The following CAMK2B variants were observed in gnomAD, a reference collection of about 807,000 sequenced individuals.
CAMK2B encodes calcium/calmodulin dependent protein kinase II beta, also known as calcium/calmodulin-dependent protein kinase type II subunit beta.
A neutral mutation model predicts 93.7 loss-of-function variants in CAMK2B; 27 were observed. The ratio of observed to expected loss-of-function variants is 0.29; its 90% CI spans 0.21 to 0.40. The LOEUF is 0.40. CAMK2B is among the 10% of genes least tolerant of loss of function. The probability of loss-of-function intolerance (pLI) is 1.00; values close to 1 mark genes in which losing one functional copy is unlikely to be tolerated. For missense variants in CAMK2B, 568 were observed against 895.8 expected (o/e 0.63, Z 4.67); for synonymous variants, 374 against 358.8 (o/e 1.04, Z -0.48).
chr7:44,302,750 G>A (rs1192476304), intron 1 of CAMK2B, among the ~76,000 whole-genome samples: 2 of 152,102 alleles, frequency 1.3e-5, no homozygotes. Context: ...ATACAGTGGA[G>A]CTTCCTAAAT....
At chr7:44,258,020 G>C (rs138341691) in intron 4 of CAMK2B, among the ~76,000 whole-genome samples, 99 of 152,382 alleles carry the variant, frequency 6.5e-4, no homozygotes, top group African/African-American at 2.3e-3. Context: ...TAAGGCCTAT[G>C]GGCCCTTGCC....
chr7:44,239,264 A>T (rs1182590522), intron 13 of CAMK2B, among the ~76,000 whole-genome samples: 1 of 59,582 alleles, frequency 1.7e-5, no homozygotes, highest in African/African-American at 7.4e-5. Context: ...CAGCAGGCCC[A>T]GTGGCTCCCT....
In CAMK2B at chr7:44,228,857, G is replaced by T; in HGVS notation, c.1407C>A (p.Pro469=). 1 of 1,517,760 alleles carries T rather than the reference G, an allele frequency of 6.6e-7. No homozygotes were observed. Among genetic ancestry groups the T allele is most frequent in the African/African-American group, 1.4e-5 (1 of 72,270 alleles). 94.0% of individuals were successfully genotyped at this position (1,517,760 alleles called of 1,614,324 possible). ...RGSGTPEAEG[P]LSAGPPPCLS... ...GGCAGGGCGGGGGCCCCGCTGAGAG[G>T]GGGCCCTCGGCTTCTGGGGTTCCTG... The change falls in exon 19 of 24, where the codon CCC becomes CCA. Residue 469 remains proline (P), a synonymous_variant. Coordinates refer to ENST00000395749, the MANE Select transcript of CAMK2B (RefSeq NM_001220.5).
rs371466945 is a variant in CAMK2B, at chr7:44,246,500, C to T, written c.414+620G>A. On this transcript the variant is annotated intron_variant, in intron 6 of 23. Coordinates refer to ENST00000395749, the MANE Select transcript of CAMK2B (RefSeq NM_001220.5). Reference sequence around the variant, plus strand: ...ACCCACATGTACACATTCACATATGCATGCGCATGAACATGCCCACACATG... The same window carrying T: ...ACCCACATGTACACATTCACATATGTATGCGCATGAACATGCCCACACATG... Among the ~76,000 whole-genome samples the T allele has an allele frequency of 1.4e-4, 21 of 152,208 alleles. 2 individuals carry two copies. The highest frequency in any genetic ancestry group is 9.7e-4 in the East Asian group (5 of 5,174).
At chr7:44,262,859 C>T (rs1174442190) in intron 3 of CAMK2B, 146 bp downstream of exon 3, 1 of 668,116 alleles carries the variant, frequency 1.5e-6, no homozygotes, top group African/African-American at 1.8e-5. Flanking sequence ...AGGGGGCGTC[C>T]TCAGGGGCTT....
At chr7:44,243,357 A>C in intron 7 of CAMK2B, 24 bp from the exon 8 acceptor site, 2 of 1,612,724 alleles carry the variant, frequency 1.2e-6, no homozygotes, top group Non-Finnish European at 1.7e-6. Flanking sequence ...AAGAGGCCAC[A>C]AGGGGCTGTC....
intron 1 of CAMK2B, among the ~76,000 whole-genome samples, chr7:44,291,246 G>C (rs553267387): frequency 1.3e-5 from 2 of 152,304 alleles, no homozygotes; most frequent in Admixed American, 6.5e-5. Context: ...CCGCCAAGGG[G>C]GGAGAGTGTT....
rs1793454796 is a variant in CAMK2B at position 44,311,203 on chromosome 7, G to A, written c.65+14154C>T. ...CGATTCTCCTGCCTCAACCTCCTGAGTAGCTGGGATTACAGGCACATGCCA... is the reference window on the plus strand; with the variant it reads ...CGATTCTCCTGCCTCAACCTCCTGAATAGCTGGGATTACAGGCACATGCCA... On this transcript the variant is annotated intron_variant, in intron 1 of 23. Coordinates refer to ENST00000395749, the MANE Select transcript of CAMK2B (RefSeq NM_001220.5). This position sits in a 1 kb window ranked among gnomAD's most constrained non-coding sequence, Gnocchi z 4.2. 6.6e-6 allele frequency among the ~76,000 whole-genome samples: 1 copy of A among 152,088 alleles called. No homozygotes were observed. The highest frequency in any genetic ancestry group is 2.4e-5 in the African/African-American group (1 of 41,404).
In CAMK2B at chr7:44,260,603, G is replaced by A. The variant is rs149860279; in HGVS notation, c.221-1677C>T. On this transcript the variant is annotated intron_variant, in intron 3 of 23. Coordinates refer to ENST00000395749, the MANE Select transcript of CAMK2B (RefSeq NM_001220.5). ...AATAGCACCTCTTCACAGGGTGGCC[G>A]TGAAGATCAATTATGTAACCTTTGT... Among the ~76,000 whole-genome samples, 626 of 152,310 alleles carry A rather than the reference G, an allele frequency of 4.1e-3. 4 individuals carry two copies. The highest frequency in any genetic ancestry group is 0.014 in the African/African-American group (596 of 41,558).
intron 2 of CAMK2B, among the ~76,000 whole-genome samples, chr7:44,270,340 C>A (rs1562967288): frequency 6.6e-6 from 1 of 152,178 alleles, no homozygotes; most frequent in Non-Finnish European, 1.5e-5. Flanking sequence ...GGGCCAGAAG[C>A]TGTGTACTGT....
At chr7:44,244,167 A>G (rs893850856) in intron 6 of CAMK2B, among the ~76,000 whole-genome samples, 6 of 152,182 alleles carry the variant, frequency 3.9e-5, no homozygotes, top group African/African-American at 1.4e-4. Context: ...TACATGGGGC[A>G]GGAAGGAGGC....
intron 13 of CAMK2B, among the ~76,000 whole-genome samples, chr7:44,238,570 C>A (rs1029774434): frequency 6.6e-6 from 1 of 152,174 alleles, no homozygotes; most frequent in African/African-American, 2.4e-5. Flanking sequence ...TCCCCGAGGA[C>A]GCCCTGGGCC....
chr7:44,263,953 T>C (rs899172525), intron 2 of CAMK2B: 1 of 154,688 alleles, frequency 6.5e-6, no homozygotes, highest in African/African-American at 2.4e-5. Flanking sequence ...TGTGCTCTTA[T>C]TTACACAAAG....
chr7:44,226,640 G>T lies in CAMK2B; in HGVS notation c.1473C>A (p.Pro491=). Residue 491 remains proline, a synonymous_variant, in exon 20 of 24, where the codon CCC becomes CCA. Coordinates refer to ENST00000395749, the MANE Select transcript of CAMK2B (RefSeq NM_001220.5). The stretch of plus-strand genomic sequence containing the variant: ...CAGAGTTCAGGATGTCAGAGATCCT[G>T]GGGGCTGGGGCGGAACAGACGAGAC... ...ALLGPLSSPS[P]RISDILNSVR... 6.5e-7 allele frequency: 1 copy of T among 1,540,198 alleles called. No individual in the cohort carries two copies. The highest frequency in any genetic ancestry group is 2.6e-5 in the East Asian group (1 of 38,354).
rs2096976193 is a variant in CAMK2B, at chr7:44,271,708, G to A, written c.161-8644C>T. On this transcript the variant is annotated intron_variant, in intron 2 of 23. Transcript: ENST00000395749. This position sits in a 1 kb window ranked among gnomAD's most constrained non-coding sequence, Gnocchi z 4.2. ...CCCTCTCCTCTGACTCTCCTCCCTG[G>A]CTGGTAAATGTGAAGTAGAACCAGT... Among the ~76,000 whole-genome samples the A allele has an allele frequency of 6.6e-6, 1 of 152,230 alleles. No individual in the cohort carries two copies. Among genetic ancestry groups the A allele is most frequent in the African/African-American group, 2.4e-5 (1 of 41,448 alleles).
chr7:44,238,015 G>A (rs988772436), intron 13 of CAMK2B, among the ~76,000 whole-genome samples: 2 of 152,194 alleles, frequency 1.3e-5, no homozygotes, highest in Non-Finnish European at 2.9e-5. Flanking sequence ...GGGCCGAGGG[G>A]GCTATGCCAC....
At chr7:44,280,285 G>A (rs1473985803) in intron 2 of CAMK2B, among the ~76,000 whole-genome samples, 1 of 152,226 alleles carries the variant, frequency 6.6e-6, no homozygotes, top group Admixed American at 6.5e-5. Context: ...CACAGGTGTG[G>A]GCCTGGTATC....
chr7:44,241,834 G>A (rs754378825), intron 10 of CAMK2B, 51 bp from the exon 11 acceptor site: 220 of 1,488,124 alleles, frequency 1.5e-4, no homozygotes, highest in Non-Finnish European at 2.0e-4. Flanking sequence ...GCACAGGGGA[G>A]AGGCCAGGGT....
intron 1 of CAMK2B, among the ~76,000 whole-genome samples, chr7:44,320,844 C>T (rs1795893692): frequency 6.6e-6 from 1 of 152,174 alleles, no homozygotes; most frequent in South Asian, 2.1e-4. Flanking sequence ...GGGCCAGGCA[C>T]TGGGGACACA....
Sources: gnomAD v4.1 joint callset for allele counts (sites outside exome capture counted in the v4.1 genomes callset) on GRCh38, gnomAD v4.1.1 for gene constraint, Gnocchi (gnomAD v3.1) non-coding constraint, MANE v1.5 for transcripts, NCBI Gene and HGNC (gene_info 2026-07-23, HGNC 2026-07-21) for gene names.